The following TBL1XR1 variants were observed in gnomAD, a reference collection of about 807,000 sequenced individuals.
TBL1XR1 encodes the protein F-box-like/WD repeat-containing protein TBL1XR1.
TBL1XR1 carries 5 observed loss-of-function variants against 66.9 expected under a neutral mutation model. The observed-to-expected ratio is 0.07, with a 90% CI of 0.04 to 0.16. The LOEUF (loss-of-function observed/expected upper bound fraction) is 0.16, where lower values mean the gene tolerates loss of function less well. TBL1XR1 is among the 10% of genes least tolerant of loss of function. The probability of loss-of-function intolerance (pLI) is 1.00; values close to 1 mark genes in which losing one functional copy is unlikely to be tolerated. For missense variants in TBL1XR1, 238 were observed against 623.2 expected, an observed-to-expected ratio of 0.38 and a Z score of 6.58; for synonymous variants, 210 against 206.0, an observed-to-expected ratio of 1.02 and a Z score of -0.17.
intron 7 of TBL1XR1, among the ~76,000 whole-genome samples, chr3:177,049,182 CGG>C (rs1232312231): frequency 6.6e-6 from 1 of 152,008 alleles, no homozygotes; most frequent in Non-Finnish European, 1.5e-5. Context: ...ATCTCATTCC[CGG>C]GGAAAAGAAT....
At chr3:177,132,341 A>G (rs1728404202) in intron 1 of TBL1XR1, among the ~76,000 whole-genome samples, 1 of 152,178 alleles carries the variant, frequency 6.6e-6, no homozygotes, top group Admixed American at 6.5e-5. Context: ...CAGAAGGGGG[A>G]CAATTGAACC....
chr3:177,086,888 T>C (rs971077710), intron 2 of TBL1XR1: 1 of 151,438 alleles, frequency 6.6e-6, no homozygotes, highest in Non-Finnish European at 1.5e-5. Flanking sequence ...ATGTTGTAGC[T>C]ATTAGATGTT....
chr3:177,051,176 T>TAGGAA (rs1461327429), intron 5 of TBL1XR1, among the ~76,000 whole-genome samples: 2 of 152,184 alleles, frequency 1.3e-5, no homozygotes, highest in African/African-American at 4.8e-5. Context: ...AACTGTGTGA[T>TAGGAA]ACAAGTTAGG....
upstream of TBL1XR1, among the ~76,000 whole-genome samples, chr3:177,199,522 C>T (rs1302275886): frequency 2.0e-5 from 3 of 151,930 alleles, no homozygotes; most frequent in Non-Finnish European, 2.9e-5. Flanking sequence ...TGTGCCACCA[C>T]GGGCGGGTCC....
At chr3:177,112,101 A>AT (rs1191026238) in intron 1 of TBL1XR1, among the ~76,000 whole-genome samples, 14 of 48,202 alleles carry the variant, frequency 2.9e-4, no homozygotes, top group East Asian at 9.0e-4. Flanking sequence ...ATATATATAT[A>AT]TATATATTTT....
chr3:177,037,555 C>A (rs73881947), intron 12 of TBL1XR1: 16,497 of 152,746 alleles, frequency 0.11, 1,009 homozygotes, highest in African/African-American at 0.13. Context: ...CAGAACAAAA[C>A]CGCCAAGGAA....
chr3:177,187,565 A>C (rs536020521), intron 1 of TBL1XR1, among the ~76,000 whole-genome samples: 148 of 152,282 alleles, frequency 9.7e-4, no homozygotes, highest in African/African-American at 3.4e-3. Flanking sequence ...CTTTACAAAG[A>C]ATTGGTTTAA....
At chr3:177,148,610 G>A (rs1051348263) in intron 1 of TBL1XR1, among the ~76,000 whole-genome samples, 1 of 152,136 alleles carries the variant, frequency 6.6e-6, no homozygotes, top group Admixed American at 6.5e-5. Context: ...ACCTACTCAG[G>A]AGGCTGAGGC....
At chr3:177,108,787 G>T (rs1247518384) in intron 1 of TBL1XR1, among the ~76,000 whole-genome samples, 1 of 152,026 alleles carries the variant, frequency 6.6e-6, no homozygotes, top group African/African-American at 2.4e-5. Context: ...CAAAGAAACA[G>T]ACAATAAAGA....
At chr3:177,038,711 G>C (rs1715155834) in intron 10 of TBL1XR1, among the ~76,000 whole-genome samples, 1 of 152,198 alleles carries the variant, frequency 6.6e-6, no homozygotes, top group Admixed American at 6.5e-5. Context: ...AGCTGGCTCT[G>C]TGGGTCTTGG....
chr3:177,108,864 GAAACAGA>G (rs1725206818), intron 1 of TBL1XR1, among the ~76,000 whole-genome samples: 3 of 152,124 alleles, frequency 2.0e-5, no homozygotes, highest in Non-Finnish European at 4.4e-5. Flanking sequence ...AAGGAAGGAA[GAAACAGA>G]AAACACTGGC....
intron 1 of TBL1XR1, among the ~76,000 whole-genome samples, chr3:177,184,441 G>A (rs530160149): frequency 4.6e-5 from 7 of 152,224 alleles, no homozygotes; most frequent in African/African-American, 1.4e-4. Context: ...AGTACTTCTG[G>A]ACAACCAAAA....
chr3:177,190,683 A>T (rs530123191), intron 1 of TBL1XR1, among the ~76,000 whole-genome samples: 2 of 152,302 alleles, frequency 1.3e-5, no homozygotes, highest in African/African-American at 4.8e-5. Context: ...GGCAGCACTA[A>T]AATTTAAATG....
chr3:177,143,849 C>T (rs925175042), intron 1 of TBL1XR1, among the ~76,000 whole-genome samples: 12 of 152,150 alleles, frequency 7.9e-5, no homozygotes, highest in Non-Finnish European at 1.5e-4. Context: ...AAGAAAACAA[C>T]GCTTTGGGGA....
chr3:177,175,307 T>C (rs1001942179), intron 1 of TBL1XR1, among the ~76,000 whole-genome samples: 6 of 152,146 alleles, frequency 3.9e-5, no homozygotes, highest in Admixed American at 2.0e-4. Context: ...ATAAAGATAT[T>C]AAAGGAAAAA....
intron 1 of TBL1XR1, among the ~76,000 whole-genome samples, chr3:177,172,261 CAA>C (rs35087965): frequency 7.0e-5 from 7 of 100,316 alleles, no homozygotes; most frequent in East Asian, 2.8e-4. Context: ...ACTCCCACCT[CAA>C]AAAAAAAAAA....
At chr3:177,135,159 G>A (rs919241297) in intron 1 of TBL1XR1, among the ~76,000 whole-genome samples, 1 of 150,558 alleles carries the variant, frequency 6.6e-6, no homozygotes, top group Non-Finnish European at 1.5e-5. Context: ...ACACCACCAC[G>A]TCCGACTAAT....
In TBL1XR1 at chr3:177,051,736, G is replaced by T. The variant is rs1717116499; in HGVS notation, c.205-10C>A. 6.6e-7 allele frequency: 1 copy of T among 1,523,054 alleles called. No homozygotes were observed. Among genetic ancestry groups the T allele is most frequent in the Non-Finnish European group, 8.9e-7 (1 of 1,129,886 alleles). 94.3% of individuals were successfully genotyped at this position (1,523,054 alleles called of 1,614,324 possible). On this transcript the variant is annotated splice_polypyrimidine_tract_variant and intron_variant, in intron 4 of 15. Transcript: ENST00000457928. ...CAAACAAGGTACCATCCTGGATTTG[G>T]AAAATTGTGAGAGAAGAAAAATCAA...
chr3:177,172,887 C>T (rs952292715), intron 1 of TBL1XR1, among the ~76,000 whole-genome samples: 13 of 151,884 alleles, frequency 8.6e-5, no homozygotes, highest in Non-Finnish European at 1.3e-4. Flanking sequence ...TAACATATTT[C>T]TTTGGCCAGG....
Sources: allele counts gnomAD v4.1 joint callset (sites outside exome capture counted in the v4.1 genomes callset), GRCh38; gene constraint gnomAD v4.1.1; transcripts MANE v1.5; gene names NCBI Gene and HGNC (gene_info 2026-07-23, HGNC 2026-07-21).